TBCE: variants seen among roughly 807,000 people sequenced by gnomAD.
The protein encoded by TBCE is tubulin folding cofactor E, also known as tubulin-specific chaperone E.
A neutral mutation model predicts 77.0 loss-of-function variants in TBCE; 53 were observed. The observed-to-expected ratio is 0.69, with a 90% CI of 0.55 to 0.87. The LOEUF (loss-of-function observed/expected upper bound fraction) is 0.87. TBCE is among the 40% of genes least tolerant of loss of function. TBCE has a pLI of 0.00. For missense variants in TBCE, 624 were observed against 622.4 expected (o/e 1.00, Z -0.03); for synonymous variants, 235 against 241.3 (o/e 0.97, Z 0.24).
Position 235,442,907 on chromosome 1 carries a change from G to T in TBCE, c.1395G>T (p.Leu465=). 4 of 1,614,024 alleles carry T rather than the reference G, an allele frequency of 2.5e-6. No homozygotes were observed. Among genetic ancestry groups the T allele is most frequent in the Non-Finnish European group, 3.4e-6 (4 of 1,179,974 alleles). ...ATCAGAAAGTCCTGGAGAAACAACT[G>T]CCGGGTAAGAAGAACCAGCCTGTCT... is the stretch of plus-strand genomic sequence containing the variant. The part of the protein sequence containing the change: ...QLDQKVLEKQ[L]PGSMTIQKVK... The change falls in exon 15 of 17, where the codon CTG becomes CTT. Residue 465 remains leucine (L), a synonymous_variant. Coordinates refer to ENST00000642610, the MANE Select transcript of TBCE (RefSeq NM_003193.5).
chr1:235,403,483 T>C (rs111406530), intron 3 of TBCE, among the ~76,000 whole-genome samples: 63 of 152,346 alleles, frequency 4.1e-4, no homozygotes, highest in African/African-American at 1.2e-3. Flanking sequence ...GTGCTGGGAT[T>C]ACAGGTGTGA....
At chr1:235,433,232 G>A in intron 7 of TBCE, 1 of 1,245,028 alleles carries the variant, frequency 8.0e-7, no homozygotes. Flanking sequence ...TCAACTATTT[G>A]GTTTTTGAGA....
rs867196790 is a variant in TBCE, at chr1:235,401,003, C to T, written c.101-500C>T. ...ACAGGCGTAAGCCACTGTGCCTGGG[C>T]TTTTTTTTTTTTTTTAATTTTTATT... is the stretch of plus-strand genomic sequence containing the variant. On this transcript the variant is annotated intron_variant, in intron 2 of 16. Transcript: ENST00000642610. 1.4e-3 allele frequency among the ~76,000 whole-genome samples: 196 copies of T among 136,750 alleles called. 2 individuals carry two copies. In the Middle Eastern group the frequency reaches 0.02, roughly 14 times the overall value. 89.7% of individuals were successfully genotyped at this position (136,750 alleles called of 152,430 possible).
At chr1:235,371,750 A>G (rs887089498) in intron 1 of TBCE, among the ~76,000 whole-genome samples, 2 of 150,472 alleles carry the variant, frequency 1.3e-5, no homozygotes, top group Non-Finnish European at 3.0e-5. Context: ...TCGGCTCACT[A>G]CAACCTCCAC....
At chr1:235,378,339 G>T (rs776218084) in intron 1 of TBCE, among the ~76,000 whole-genome samples, 50 of 152,148 alleles carry the variant, frequency 3.3e-4, no homozygotes, top group Non-Finnish European at 6.2e-4. Context: ...TCCCACTTCA[G>T]CTTCCCAAGT....
chr1:235,370,690 T>G (rs1412039836), intron 1 of TBCE, among the ~76,000 whole-genome samples: 1 of 151,804 alleles, frequency 6.6e-6, no homozygotes, highest in African/African-American at 2.4e-5. Context: ...AATTTGGGGT[T>G]TTTGCACCAT....
In TBCE at chr1:235,371,793, C is replaced by T. The variant is rs566119199; in HGVS notation, c.-32+4289C>T. On this transcript the variant is annotated intron_variant, in intron 1 of 16. Transcript: ENST00000642610. Reference sequence around the variant, plus strand: ...ATTCAAGTGATTCTCCTGCCTCAGCCTCCCAAGTAGCTGGGATTACAGGGA... The same window carrying T: ...ATTCAAGTGATTCTCCTGCCTCAGCTTCCCAAGTAGCTGGGATTACAGGGA... Among the ~76,000 whole-genome samples, 7 of 152,260 alleles carry T rather than the reference C, an allele frequency of 4.6e-5. No homozygotes were observed. The East Asian group carries it at 7.7e-4, about 17-fold the overall frequency.
intron 15 of TBCE, among the ~76,000 whole-genome samples, chr1:235,446,922 C>T (rs991973651): frequency 4.6e-5 from 7 of 151,948 alleles, no homozygotes; most frequent in African/African-American, 1.7e-4. Context: ...GGGCTCTGAT[C>T]CCTCTGCCTC....
At chr1:235,407,132 G>A (rs80307128) in intron 3 of TBCE, among the ~76,000 whole-genome samples, 2 of 142,834 alleles carry the variant, frequency 1.4e-5, no homozygotes, top group African/African-American at 2.6e-5. Context: ...CCTGGCCCCC[G>A]CCTTTTTTTT....
At chr1:235,441,607 C>T (rs954196638) in intron 13 of TBCE, 1 of 579,024 alleles carries the variant, frequency 1.7e-6, no homozygotes, top group Non-Finnish European at 3.1e-6. Context: ...ACAGAGTCTG[C>T]AGCTCTGGGT....
chr1:235,385,000 G>T (rs546132802), intron 2 of TBCE, among the ~76,000 whole-genome samples: 1 of 152,122 alleles, frequency 6.6e-6, no homozygotes, highest in Non-Finnish European at 1.5e-5. Context: ...TTGTCCCAGA[G>T]ATTCTGGTAT....
At chr1:235,398,787 A>G (rs1287525122) in intron 2 of TBCE, among the ~76,000 whole-genome samples, 3 of 138,310 alleles carry the variant, frequency 2.2e-5, no homozygotes, top group African/African-American at 7.8e-5. Flanking sequence ...AGGCTAAGGC[A>G]AAAGAATCGC....
intron 13 of TBCE, among the ~76,000 whole-genome samples, chr1:235,439,837 T>G (rs1452371290): frequency 6.6e-6 from 1 of 151,838 alleles, no homozygotes; most frequent in Non-Finnish European, 1.5e-5. Context: ...AGTCTTGCTC[T>G]GTCACCCAGG....
intron 2 of TBCE, among the ~76,000 whole-genome samples, chr1:235,396,085 A>T (rs919171684): frequency 3.3e-5 from 5 of 151,316 alleles, no homozygotes; most frequent in African/African-American, 1.2e-4. Context: ...TTTGAGACAG[A>T]GTCTCGCTTT....
intron 7 of TBCE, among the ~76,000 whole-genome samples, chr1:235,431,057 C>G (rs1268598380): frequency 1.3e-5 from 2 of 152,182 alleles, no homozygotes; most frequent in African/African-American, 4.8e-5. Flanking sequence ...CCTTTATAAA[C>G]AGTGGCGCTC....
chr1:235,434,644 C>G (rs1013639292), intron 8 of TBCE, among the ~76,000 whole-genome samples: 2 of 151,246 alleles, frequency 1.3e-5, no homozygotes, highest in African/African-American at 4.9e-5. Context: ...TCAAGCGATT[C>G]TTCTGCCTCA....
chr1:235,383,198 A>G (rs1677786517), intron 2 of TBCE, among the ~76,000 whole-genome samples: 1 of 149,694 alleles, frequency 6.7e-6, no homozygotes, highest in Admixed American at 6.7e-5. Flanking sequence ...TACCAGTACC[A>G]TGCTGTTTTG....
At chr1:235,406,925 C>T (rs1182517142) in intron 3 of TBCE, among the ~76,000 whole-genome samples, 1 of 150,688 alleles carries the variant, frequency 6.6e-6, no homozygotes, top group Non-Finnish European at 1.5e-5. Context: ...CCCTCCTTCT[C>T]CCAGGTTCAA....
chr1:235,435,804 A>C lies in TBCE; in HGVS notation c.797A>C (p.Asp266Ala). ...GATCTTTCCTCTAATCAATTAATTG[A>C]TGAAAATCAGCTGTATCTGATAGCC... ...LLDLSSNQLIDENQLYLIAHL... is the reference protein window; with the variant it reads ...LLDLSSNQLIAENQLYLIAHL... Residue 266 changes from aspartate (D) to alanine (A), a missense_variant, in exon 9 of 17, where the codon GAT becomes GCT. Asp to Ala is a moderately radical substitution (Grantham distance 126, BLOSUM62 -2). Transcript: ENST00000642610. The C allele has an allele frequency of 1.2e-6, 2 of 1,614,204 alleles. No individual in the cohort carries two copies. Among genetic ancestry groups the C allele is most frequent in the Non-Finnish European group, 8.5e-7 (1 of 1,180,032 alleles).
Sources: allele counts gnomAD v4.1 joint callset (sites outside exome capture counted in the v4.1 genomes callset), GRCh38; gene constraint gnomAD v4.1.1; transcripts MANE v1.5; gene names NCBI Gene and HGNC (gene_info 2026-07-23, HGNC 2026-07-21).